The following CD81 variants were observed in gnomAD, a reference collection of about 807,000 sequenced individuals.
The protein encoded by CD81 is CD81 antigen.
A neutral mutation model predicts 30.1 loss-of-function variants in CD81; 10 were observed. The observed-to-expected ratio is 0.33, with a 90% confidence interval of 0.21 to 0.56. The LOEUF is 0.56. Ranked by LOEUF, CD81 falls within the 20% of genes least tolerant of loss-of-function variation. The probability of loss-of-function intolerance (pLI) is 0.89; values close to 1 mark genes in which losing one functional copy is unlikely to be tolerated. For synonymous variants in CD81, 147 were observed against 126.4 expected (o/e 1.16, Z -1.10); for missense variants, 263 against 308.7 (o/e 0.85, Z 1.11).
chr11:2,396,789 A>C lies in CD81; in HGVS notation c.649-15A>C, dbSNP rs1224060821. The C allele has an allele frequency of 2.5e-6, 4 of 1,612,404 alleles. No homozygotes were observed. Among genetic ancestry groups the C allele is most frequent in the Non-Finnish European group, 2.5e-6 (3 of 1,179,986 alleles). ...GGGCCTTGTGCTGACTGCGCCCCCC[A>C]CCACCCTCCTGCAGATCTTCGAGAT... On this transcript the variant is annotated splice_polypyrimidine_tract_variant and intron_variant, in intron 7 of 7. Transcript: ENST00000263645.
chr11:2,386,072 G>T, intron 1 of CD81: 2 of 717,402 alleles, frequency 2.8e-6, no homozygotes, highest in Non-Finnish European at 5.2e-6. Flanking sequence ...ATGTGGTGTG[G>T]TTGGTCTTTT....
rs1849866976 is a variant in CD81, at chr11:2,389,915, T to G, written c.67-497T>G. Among the ~76,000 whole-genome samples, 8 of 152,050 alleles carry G rather than the reference T, an allele frequency of 5.3e-5. No homozygotes were observed. In the South Asian group the frequency reaches 1.7e-3, roughly 31 times the overall value. ...AGTCCCCCAGCGACCTCAGAACTCT[T>G]GGGGCGCTGCCACACCCTTGCAGGA... On this transcript the variant is annotated intron_variant, in intron 1 of 7. Coordinates refer to ENST00000263645, the MANE Select transcript of CD81 (RefSeq NM_004356.4).
At chr11:2,394,894 T>TG in intron 3 of CD81, 78 bp from the exon 4 acceptor site, 1 of 1,337,196 alleles carries the variant, frequency 7.5e-7, no homozygotes, top group Non-Finnish European at 1.1e-6. Context: ...ACACGCCTGC[T>TG]GGGCACCTGG....
rs1171079352 is a variant in CD81, at chr11:2,378,769, G to A, written c.66+1154G>A. ...GGAAGACTCGGCTGATGTCCCAGTG[G>A]ACCGAGTGTTTCTCAAGTTGAGGCA... On this transcript the variant is annotated intron_variant, in intron 1 of 7. Coordinates refer to ENST00000263645, the MANE Select transcript of CD81 (RefSeq NM_004356.4). This position sits in a 1 kb window ranked among gnomAD's most constrained non-coding sequence, Gnocchi z 4.9. Among the ~76,000 whole-genome samples, 3 of 152,214 alleles carry A rather than the reference G, an allele frequency of 2.0e-5. No individual in the cohort carries two copies. Among genetic ancestry groups the A allele is most frequent in the Non-Finnish European group, 4.4e-5 (3 of 68,042 alleles).
At chr11:2,396,465 C>G (rs1009493428) in intron 6 of CD81, 163 bp from the exon 7 acceptor site, 1 of 692,892 alleles carries the variant, frequency 1.4e-6, no homozygotes, top group African/African-American at 1.8e-5. Flanking sequence ...CCGGCAGAGG[C>G]CGGGCCGCTG....
intron 1 of CD81, chr11:2,386,254 G>C: frequency 1.5e-6 from 1 of 686,456 alleles, no homozygotes; most frequent in South Asian, 1.6e-5. Flanking sequence ...TGGGTTGCCA[G>C]TTTTCTTGCT....
intron 1 of CD81, chr11:2,385,980 A>C: frequency 7.1e-6 from 5 of 704,024 alleles, no homozygotes; most frequent in Non-Finnish European, 1.3e-5. Context: ...GCAGTTTTAC[A>C]TAACTGCCAA....
At chr11:2,386,131 A>T (rs1458559221) in intron 1 of CD81, 16 of 716,976 alleles carry the variant, frequency 2.2e-5, no homozygotes, top group Non-Finnish European at 3.4e-5. Flanking sequence ...CTGCAGCTTG[A>T]CCTGGGTTTC....
chr11:2,379,208 C>T (rs775617089), intron 1 of CD81: 9 of 445,234 alleles, frequency 2.0e-5, no homozygotes, highest in Admixed American at 4.8e-5. Context: ...CCTGACGAGG[C>T]GAGTGTGGAC....
Position 2,378,681 on chromosome 11 carries a change from A to G in CD81, c.66+1066A>G, listed in dbSNP as rs12797193. ...CCATGGCCGCGGCCTCCCCGTGGCCACGCCCCTGGGCATAGACTGCAAGCC... is the reference window on the plus strand; with the variant it reads ...CCATGGCCGCGGCCTCCCCGTGGCCGCGCCCCTGGGCATAGACTGCAAGCC... On this transcript the variant is annotated intron_variant, in intron 1 of 7. Coordinates refer to ENST00000263645, the MANE Select transcript of CD81 (RefSeq NM_004356.4). This position sits in a 1 kb window ranked among gnomAD's most constrained non-coding sequence, Gnocchi z 4.9. Among the ~76,000 whole-genome samples the G allele has an allele frequency of 6.6e-6, 1 of 152,072 alleles. No homozygotes were observed. The highest frequency in any genetic ancestry group is 1.5e-5 in the Non-Finnish European group (1 of 67,990).
In CD81 at chr11:2,396,649, G is replaced by A. The variant is rs144435973; in HGVS notation, c.583G>A (p.Asp195Asn). Residue 195 changes from aspartate (D) to asparagine (N), a missense_variant, in exon 7 of 8, where the codon GAT (aspartate) becomes AAT (asparagine). Physicochemically the swap from Asp to Asn is conservative, Grantham distance 23. Transcript: ENST00000263645. ...LFKEDCHQKI[D>N]DLFSGKLYLI... The stretch of plus-strand genomic sequence containing the variant: ...GCAGGAGGACTGCCACCAGAAGATC[G>A]ATGACCTCTTCTCCGGGAAGCTGTA... 259 of 1,611,494 alleles carry A rather than the reference G, an allele frequency of 1.6e-4. No individual in the cohort carries two copies. The highest frequency in any genetic ancestry group is 4.2e-4 in the Admixed American group (25 of 60,008).
At chr11:2,395,108 G>C (rs1288457586) in intron 4 of CD81, 62 bp downstream of exon 4, 17 of 1,402,814 alleles carry the variant, frequency 1.2e-5, no homozygotes, top group Non-Finnish European at 1.6e-5. Context: ...CTCTCCTGTC[G>C]CGGGTGGGGG....
chr11:2,385,308 G>A (rs568902115), intron 1 of CD81, among the ~76,000 whole-genome samples: 11 of 152,198 alleles, frequency 7.2e-5, no homozygotes, highest in African/African-American at 2.4e-4. Context: ...CAACTCCCCA[G>A]GTGCCCCTGG....
intron 2 of CD81, 41 bp downstream of exon 2, chr11:2,390,567 T>C (rs1208656091): frequency 7.0e-7 from 1 of 1,420,520 alleles, no homozygotes; most frequent in Non-Finnish European, 1.0e-6. Context: ...AGGGAGGGCT[T>C]CTAGGAGGAG....
chr11:2,385,963 T>C, intron 1 of CD81: 1 of 696,120 alleles, frequency 1.4e-6, no homozygotes, highest in Non-Finnish European at 2.7e-6. Context: ...GTTTCACTGC[T>C]TAAGCAGCAG....
rs765806007 is a variant in CD81, at chr11:2,395,520, G to A, written c.459G>A (p.Thr153=). The change falls in exon 5 of 8, where the codon ACG becomes ACA. Residue 153 remains threonine, a splice_region_variant and synonymous_variant. Coordinates refer to ENST00000263645, the MANE Select transcript of CD81 (RefSeq NM_004356.4). The part of the protein sequence containing the change: ...AKAVVKTFHE[T]LDCCGSSTLT... ...CTGTGGTGAAGACCTTCCACGAGACGGTGCGGCCCCGGGGGGCGAGGGCGG... is the reference window on the plus strand; with the variant it reads ...CTGTGGTGAAGACCTTCCACGAGACAGTGCGGCCCCGGGGGGCGAGGGCGG... 2.5e-6 allele frequency: 4 copies of A among 1,611,724 alleles called. No individual in the cohort carries two copies. Among genetic ancestry groups the A allele is most frequent in the East Asian group, 2.2e-5 (1 of 44,878 alleles).
chr11:2,390,306 C>A, intron 1 of CD81, 106 bp from the exon 2 acceptor site: 1 of 882,154 alleles, frequency 1.1e-6, no homozygotes, highest in East Asian at 2.4e-5. Flanking sequence ...GGTCCCTGCT[C>A]GGGAGCCAGC....
Position 2,394,987 on chromosome 11 carries a change from G to A in CD81, c.295G>A (p.Val99Ile). ...CCGGCTCCAGTTCTTCACCTGCCTG[G>A]TCATCCTGTTTGCCTGTGAGGTGGC... ...CLLGTFFTCL[V>I]ILFACEVAAG... is the part of the protein sequence containing the mutation. The change falls in exon 4 of 8, where the codon GTC becomes ATC. Residue 99 changes from valine to isoleucine, a missense_variant. By Grantham distance (29) the Val-to-Ile change is conservative. Around this residue, in one of 3 missense-constraint regions of CD81, gnomAD observed 176 missense variants for 192.9 expected, o/e 0.91. Coordinates refer to ENST00000263645, the MANE Select transcript of CD81 (RefSeq NM_004356.4). 2 of 1,612,802 alleles carry A rather than the reference G, an allele frequency of 1.2e-6. No individual in the cohort carries two copies. The highest frequency in any genetic ancestry group is 8.5e-7 in the Non-Finnish European group (1 of 1,179,970).
rs1035338452 is a variant in CD81, at chr11:2,397,275, G to A, written c.*409G>A. 7.0e-6 allele frequency: 2 copies of A among 285,322 alleles called. No homozygotes were observed. Among genetic ancestry groups the A allele is most frequent in the African/African-American group, 2.2e-5 (1 of 45,220 alleles). 17.7% of individuals were successfully genotyped at this position (285,322 alleles called of 1,614,324 possible). ...ACCTTGTTCCCTCCTGCCCCGGTTC[G>A]AGAGCCGAGTCTGTGGGCACTCTCT... On this transcript the variant is annotated 3_prime_UTR_variant, in exon 8 of 8. Transcript: ENST00000263645.
Sources: gnomAD v4.1 joint callset for allele counts (sites outside exome capture counted in the v4.1 genomes callset) on GRCh38, gnomAD v4.1.1 for gene constraint, gnomAD v4.1.1 regional missense constraint, Gnocchi (gnomAD v3.1) non-coding constraint, MANE v1.5 for transcripts, NCBI Gene and HGNC (gene_info 2026-07-23, HGNC 2026-07-21) for gene names.